PROSER1: variants seen among roughly 807,000 people sequenced by gnomAD.
The protein encoded by PROSER1 is proline and serine rich 1, also known as proline and serine-rich protein 1.
Under a neutral mutation model 71.8 loss-of-function variants are expected in PROSER1, and 36 were observed. The ratio of observed to expected loss-of-function variants is 0.50; its 90% confidence interval spans 0.38 to 0.66. PROSER1 has a LOEUF of 0.66. Among genes scored for constraint, PROSER1 ranks in the 30% least tolerant of loss-of-function variants. The pLI, the probability that PROSER1 is intolerant of heterozygous loss-of-function variation, is 0.00. For synonymous variants in PROSER1, 490 were observed against 452.4 expected, an observed-to-expected ratio of 1.08 and a Z score of -1.06; for missense variants, 1,107 against 1,135.0, an observed-to-expected ratio of 0.98 and a Z score of 0.35.
chr13:39,025,686 C>G (rs1005139466), intron 6 of PROSER1, among the ~76,000 whole-genome samples: 1 of 152,162 alleles, frequency 6.6e-6, no homozygotes, highest in Non-Finnish European at 1.5e-5. Flanking sequence ...AATGTAACCT[C>G]ATGAAAAGAC....
intron 6 of PROSER1, 97 bp downstream of exon 6, chr13:39,026,180 C>A: frequency 2.8e-6 from 2 of 721,574 alleles, no homozygotes; most frequent in South Asian, 3.8e-5. Context: ...ATTAAGTTAC[C>A]GACATAAAAT....
In PROSER1 at chr13:39,010,450, T is replaced by C. The variant is rs1484521602; in HGVS notation, c.*915A>G. ...TGTTATACTACCACAGATCCTTAAA[T>C]AGAGTACATACTGCATAATTACTAA... On this transcript the variant is annotated 3_prime_UTR_variant, in exon 13 of 13. Transcript: ENST00000352251. 2 of 152,640 alleles carry C rather than the reference T, an allele frequency of 1.3e-5. No homozygotes were observed. Among genetic ancestry groups the C allele is most frequent in the Non-Finnish European group, 2.9e-5 (2 of 68,032 alleles). The allele number at this position is 152,640 out of a possible 1,614,324, so 9.5% of individuals were successfully genotyped here.
intron 8 of PROSER1, 82 bp downstream of exon 8, chr13:39,022,970 C>G: frequency 8.3e-7 from 1 of 1,198,984 alleles, no homozygotes. Context: ...GATTTGCCAA[C>G]CACATAGACC....
rs1870898647 is a variant in PROSER1 at position 39,032,583 on chromosome 13, TTTTTA to T, written c.112-957_112-953del. ...TGGTATGTAAAGAGAGTAAAAATAA[TTTTTA>T]CTCCTTATAAAGAGATATATATATA... On this transcript the variant is annotated intron_variant, in intron 2 of 12. Transcript: ENST00000352251. 3.0e-4 allele frequency among the ~76,000 whole-genome samples: 45 copies of T among 152,274 alleles called. 1 individual carries two copies. The highest frequency in any genetic ancestry group is 2.9e-3 in the Admixed American group (45 of 15,286).
At chr13:39,033,839 T>C (rs1339468293) in intron 2 of PROSER1, among the ~76,000 whole-genome samples, 1 of 152,216 alleles carries the variant, frequency 6.6e-6, no homozygotes, top group African/African-American at 2.4e-5. Flanking sequence ...AAATTTGCCA[T>C]TACGAGTCTC....
intron 5 of PROSER1, 22 bp downstream of exon 5, chr13:39,028,205 A>G (rs770322275): frequency 1.5e-6 from 2 of 1,323,084 alleles, no homozygotes; most frequent in African/African-American, 1.4e-5. Context: ...TACCAAGTAC[A>G]TGACAATCTT....
At chr13:39,023,817 TAC>T (rs1240580639) in intron 7 of PROSER1, 1 of 152,532 alleles carries the variant, frequency 6.6e-6, no homozygotes, top group Non-Finnish European at 1.5e-5. Flanking sequence ...ACTTTTTACC[TAC>T]AGAGAGAGCA....
intron 2 of PROSER1, among the ~76,000 whole-genome samples, chr13:39,032,456 G>C (rs557106339): frequency 6.6e-6 from 1 of 152,240 alleles, no homozygotes; most frequent in East Asian, 1.9e-4. Flanking sequence ...TGCCTCCAAA[G>C]ATGCTCCAAA....
At chr13:39,029,966 T>G (rs936335658) in intron 3 of PROSER1, among the ~76,000 whole-genome samples, 2 of 152,198 alleles carry the variant, frequency 1.3e-5, no homozygotes, top group Non-Finnish European at 1.5e-5. Context: ...CTAGAGTACC[T>G]TTATTTCTGA....
intron 11 of PROSER1, 60 bp from the exon 12 acceptor site, chr13:39,012,293 C>T (rs1869702787): frequency 1.3e-6 from 2 of 1,508,204 alleles, no homozygotes; most frequent in Non-Finnish European, 1.8e-6. Flanking sequence ...CTACTGTTTC[C>T]ATATTTGTCA....
At chr13:39,027,243 T>C (rs957535003) in intron 5 of PROSER1, among the ~76,000 whole-genome samples, 4 of 152,152 alleles carry the variant, frequency 2.6e-5, no homozygotes, top group Admixed American at 6.6e-5. Flanking sequence ...TTTTTGGCTA[T>C]AATAAAGAGT....
At chr13:39,025,051 G>T (rs1238558615) in intron 6 of PROSER1, among the ~76,000 whole-genome samples, 1 of 152,040 alleles carries the variant, frequency 6.6e-6, no homozygotes. Context: ...TCGGAATACA[G>T]TATGTTCTGA....
intron 1 of PROSER1, 100 bp downstream of exon 1, chr13:39,037,098 T>C (rs1871150112): frequency 1.1e-6 from 1 of 898,008 alleles, no homozygotes; most frequent in Non-Finnish European, 1.8e-6. Context: ...TTGGCAATCC[T>C]AGGACCCTTA....
intron 9 of PROSER1, among the ~76,000 whole-genome samples, chr13:39,018,439 A>G (rs1870108793): frequency 1.3e-5 from 2 of 151,734 alleles, no homozygotes; most frequent in Non-Finnish European, 2.9e-5. Flanking sequence ...AGAACAATGG[A>G]GATTTAATTA....
chr13:39,015,908 C>A (rs576044690), intron 10 of PROSER1, among the ~76,000 whole-genome samples: 57 of 152,204 alleles, frequency 3.7e-4, no homozygotes, highest in African/African-American at 1.2e-3. Context: ...GGAATATATA[C>A]CTAATCTTAT....
At chr13:39,024,793 AAC>A (rs1870468789) in intron 6 of PROSER1, among the ~76,000 whole-genome samples, 1 of 152,118 alleles carries the variant, frequency 6.6e-6, no homozygotes, top group Non-Finnish European at 1.5e-5. Context: ...GAACATGAAA[AAC>A]ACAGAGAGGA....
chr13:39,035,149 T>C (rs1287335074), intron 1 of PROSER1, among the ~76,000 whole-genome samples: 2 of 152,238 alleles, frequency 1.3e-5, no homozygotes, highest in Non-Finnish European at 2.9e-5. Context: ...TGAAATATCC[T>C]GGGTGCTCAG....
In PROSER1 at chr13:39,011,133, A is replaced by C. The variant is rs374184199; in HGVS notation, c.*232T>G. On this transcript the variant is annotated 3_prime_UTR_variant, in exon 13 of 13. Transcript: ENST00000352251. ...TTTATAGGACAGGTGAAAAGTCTCC[A>C]AACACTTTTTAAATACCATTCTCCA... 6.4e-6 allele frequency: 3 copies of C among 469,318 alleles called. No homozygotes were observed. Among genetic ancestry groups the C allele is most frequent in the African/African-American group, 6.0e-5 (3 of 50,266 alleles). 29.1% of individuals were successfully genotyped at this position (469,318 alleles called of 1,614,324 possible).
At position 39,037,387 on chromosome 13, in the gene PROSER1, A is replaced by G; in HGVS notation, c.-145T>C. 1 of 655,540 alleles carries G rather than the reference A, an allele frequency of 1.5e-6. No homozygotes were observed. 40.6% of individuals were successfully genotyped at this position (655,540 alleles called of 1,614,324 possible). ...AGCAAGAGAGGATGCGAAGAGGTAG[A>G]GAGTATTGCAAACTTCGCAAAAAAA... On this transcript the variant is annotated 5_prime_UTR_variant, in exon 1 of 13. Coordinates refer to ENST00000352251, the MANE Select transcript of PROSER1 (RefSeq NM_025138.5).
Sources: allele counts gnomAD v4.1 joint callset (sites outside exome capture counted in the v4.1 genomes callset), GRCh38; gene constraint gnomAD v4.1.1; transcripts MANE v1.5; gene names NCBI Gene and HGNC (gene_info 2026-07-23, HGNC 2026-07-21).